The following NRG1 variants were observed in gnomAD, a reference collection of about 807,000 sequenced individuals.
NRG1 encodes the protein neuregulin 1.
Under a neutral mutation model 63.8 loss-of-function variants are expected in NRG1, and 18 were observed. That is an observed-to-expected ratio of 0.28 (90% CI 0.19 to 0.42). The LOEUF is 0.42. Among genes scored for constraint, NRG1 ranks in the 10% least tolerant of loss-of-function variants. NRG1 has a pLI of 1.00. For missense variants in NRG1, 762 were observed against 814.7 expected (o/e 0.94, Z 0.79); for synonymous variants, 302 against 301.3 (o/e 1.00, Z -0.02).
chr8:32,344,879 A>G (rs1188434391), intron 1 of NRG1, among the ~76,000 whole-genome samples: 1 of 152,186 alleles, frequency 6.6e-6, no homozygotes, highest in African/African-American at 2.4e-5. Flanking sequence ...TATTCTGCTC[A>G]GAAATGGTTA....
chr8:31,994,477 A>G (rs114312316), intron 1 of NRG1, among the ~76,000 whole-genome samples: 2,790 of 151,660 alleles, frequency 0.018, 73 homozygotes, highest in African/African-American at 0.063. Context: ...ACATAATAAG[A>G]TCCTGTCTCT....
At chr8:32,240,431 A>G (rs1847983489) in intron 1 of NRG1, among the ~76,000 whole-genome samples, 1 of 152,154 alleles carries the variant, frequency 6.6e-6, no homozygotes, top group South Asian at 2.1e-4. Context: ...GTGTGTGTCC[A>G]TAAAAACGTT....
chr8:32,364,218 A>G (rs1193511223), intron 1 of NRG1, among the ~76,000 whole-genome samples: 1 of 151,884 alleles, frequency 6.6e-6, no homozygotes, highest in Non-Finnish European at 1.5e-5. Flanking sequence ...CAGTGAATAG[A>G]TAACCAAACT....
chr8:31,806,692 A>G (rs1437480513), intron 1 of NRG1, among the ~76,000 whole-genome samples: 1 of 152,194 alleles, frequency 6.6e-6, no homozygotes, highest in Admixed American at 6.5e-5. Flanking sequence ...ATCATATTAT[A>G]AAGTGTAATA....
At chr8:31,808,671 TTTATA>T (rs1277903675) in intron 1 of NRG1, among the ~76,000 whole-genome samples, 1 of 152,066 alleles carries the variant, frequency 6.6e-6, no homozygotes, top group Non-Finnish European at 1.5e-5. Context: ...GTAAAAATAT[TTTATA>T]TTAATACCTA....
chr8:31,861,828 A>C lies in NRG1; in HGVS notation c.37+222397A>C, dbSNP rs990126710. 3.3e-5 allele frequency among the ~76,000 whole-genome samples: 5 copies of C among 152,184 alleles called. No homozygotes were observed. In the South Asian group the frequency reaches 8.3e-4, roughly 25 times the overall value. ...GTAATGTCATCTTCTTCTGCTATTA[A>C]TATGGTAATCATTTTAGGTGATAGA... On this transcript the variant is annotated intron_variant, in intron 1 of 10. Transcript: ENST00000519301.
intron 1 of NRG1, among the ~76,000 whole-genome samples, chr8:31,935,367 C>G (rs1339557013): frequency 6.6e-6 from 1 of 152,138 alleles, no homozygotes; most frequent in African/African-American, 2.4e-5. Flanking sequence ...AAGTGGTCCT[C>G]CCGCCTCAGC....
rs185294889 is a variant in NRG1, at chr8:32,465,834, G to A, written c.38-129994G>A. Among the ~76,000 whole-genome samples, 3 of 152,148 alleles carry A rather than the reference G, an allele frequency of 2.0e-5. No individual in the cohort carries two copies. The East Asian group carries it at 5.8e-4, about 29-fold the overall frequency. On this transcript the variant is annotated intron_variant, in intron 1 of 10. Transcript: ENST00000519301. ...TGGTATTTTACAGTCATGTAATCAT[G>A]GAGAGAAATACTTCAGATAAATTAA...
intron 1 of NRG1, among the ~76,000 whole-genome samples, chr8:32,225,437 G>A (rs1188322814): frequency 6.6e-6 from 1 of 152,154 alleles, no homozygotes; most frequent in Non-Finnish European, 1.5e-5. Context: ...GCCTAGGAAT[G>A]CTAAAACTAT....
At chr8:32,073,516 G>T (rs1826053250) in intron 1 of NRG1, among the ~76,000 whole-genome samples, 1 of 152,176 alleles carries the variant, frequency 6.6e-6, no homozygotes, top group South Asian at 2.1e-4. Flanking sequence ...TAAGATAAAT[G>T]CTCTGTTTTT....
intron 1 of NRG1, among the ~76,000 whole-genome samples, chr8:31,870,621 T>G (rs1829393281): frequency 6.6e-6 from 1 of 152,184 alleles, no homozygotes; most frequent in Admixed American, 6.5e-5. Flanking sequence ...AAACACAAAA[T>G]AAAACCAATC....
At chr8:32,154,015 T>C (rs1380735440) in intron 1 of NRG1, among the ~76,000 whole-genome samples, 1 of 152,168 alleles carries the variant, frequency 6.6e-6, no homozygotes, top group South Asian at 2.1e-4. Flanking sequence ...TTTGGACAAA[T>C]AACAGGCAGA....
At chr8:32,325,812 A>G (rs1430313709) in intron 1 of NRG1, among the ~76,000 whole-genome samples, 1 of 152,224 alleles carries the variant, frequency 6.6e-6, no homozygotes, top group Non-Finnish European at 1.5e-5. Flanking sequence ...GATTCTAAAT[A>G]TTACTCAGTA....
At chr8:32,124,495 C>T (rs915311076) in intron 1 of NRG1, among the ~76,000 whole-genome samples, 4 of 151,654 alleles carry the variant, frequency 2.6e-5, no homozygotes, top group South Asian at 4.2e-4. Context: ...TATGGAGCCC[C>T]GAAATCATAT....
intron 1 of NRG1, among the ~76,000 whole-genome samples, chr8:31,685,675 C>A (rs1223881378): frequency 6.6e-6 from 1 of 152,148 alleles, no homozygotes; most frequent in African/African-American, 2.4e-5. Context: ...CCATGTAGTT[C>A]CAACCCTAGG....
intron 1 of NRG1, among the ~76,000 whole-genome samples, chr8:31,665,396 C>A (rs1806423986): frequency 6.6e-6 from 1 of 152,126 alleles, no homozygotes; most frequent in Non-Finnish European, 1.5e-5. Flanking sequence ...AGGATGGAAA[C>A]CACATCATTT....
intron 1 of NRG1, chr8:31,639,679 G>A (rs1803538646): frequency 7.1e-7 from 1 of 1,400,978 alleles, no homozygotes; most frequent in Non-Finnish European, 9.2e-7. Context: ...CGGCGGCGCG[G>A]GGGGTGGGGG....
intron 1 of NRG1, among the ~76,000 whole-genome samples, chr8:32,279,052 C>A (rs1852411694): frequency 6.6e-6 from 1 of 152,182 alleles, no homozygotes; most frequent in South Asian, 2.1e-4. Flanking sequence ...CTTAAACTAA[C>A]ACAATGATCT....
At chr8:31,921,039 A>G (rs2129618589) in intron 1 of NRG1, among the ~76,000 whole-genome samples, 1 of 152,310 alleles carries the variant, frequency 6.6e-6, no homozygotes, top group African/African-American at 2.4e-5. Flanking sequence ...TACTAAATTT[A>G]CAGGTTAATT....
Sources: gnomAD v4.1 joint callset for allele counts (sites outside exome capture counted in the v4.1 genomes callset) on GRCh38, gnomAD v4.1.1 for gene constraint, MANE v1.5 for transcripts, NCBI Gene and HGNC (gene_info 2026-07-23, HGNC 2026-07-21) for gene names.